Variants in SPTB observed in about 807,000 individuals in gnomAD.
The protein encoded by SPTB is spectrin beta, erythrocytic, also known as spectrin beta chain, erythrocytic.
Under a neutral mutation model 256.2 loss-of-function variants are expected in SPTB, and 45 were observed. The ratio of observed to expected loss-of-function variants is 0.18; its 90% CI spans 0.14 to 0.23. The LOEUF (loss-of-function observed/expected upper bound fraction) is 0.23, where lower values mean the gene tolerates loss of function less well. Ranked by LOEUF, SPTB falls within the 10% of genes least tolerant of loss-of-function variation. SPTB has a pLI of 1.00. For missense variants in SPTB, 2,715 were observed against 3,040.4 expected, an observed-to-expected ratio of 0.89 and a Z score of 2.52; for synonymous variants, 1,231 against 1,243.1, an observed-to-expected ratio of 0.99 and a Z score of 0.21.
chr14:64,829,153 T>C (rs1289289155), intron 1 of SPTB, among the ~76,000 whole-genome samples: 1 of 152,190 alleles, frequency 6.6e-6, no homozygotes, highest in Admixed American at 6.5e-5. Flanking sequence ...CCAAAAAAGT[T>C]GAACCTGAAT....
rs2082291331 is a variant in SPTB, at chr14:64,772,476, C to T, written c.5553+104G>A. The T allele has an allele frequency of 2.0e-6, 3 of 1,503,300 alleles. No homozygotes were observed. Among genetic ancestry groups the T allele is most frequent in the Admixed American group, 2.0e-5 (1 of 50,644 alleles). The allele number at this position is 1,503,300 out of a possible 1,614,324, so 93.1% of individuals were successfully genotyped here. ...CTGGCTGTCTAAGGAGGCAAAACCT[C>T]CTGGCACTTATCCTAGAGGTTTTCC... On this transcript the variant is annotated intron_variant, in intron 26 of 35. Coordinates refer to ENST00000644917, the MANE Select transcript of SPTB (RefSeq NM_001355436.2). The surrounding 1 kb of genome is among the most constrained non-coding windows in gnomAD (Gnocchi z 5.4).
rs1306400678 is a variant in SPTB, at chr14:64,823,036, T to C, written c.59A>G (p.Asn20Ser). ...VGNQPPYSRI[N>S]ARWDAPDDEL... Reference sequence around the variant, plus strand: ...GTCGTCTGGGGCGTCCCAGCGGGCATTGATCCTGCTGTAAGGTGGCTGGTT... The same window carrying C: ...GTCGTCTGGGGCGTCCCAGCGGGCACTGATCCTGCTGTAAGGTGGCTGGTT... The change falls in exon 2 of 36, where the codon AAT (asparagine) becomes AGT (serine). Residue 20 changes from asparagine (N) to serine (S), a missense_variant. Around this residue, in one of 4 missense-constraint regions of SPTB, gnomAD observed 58 missense variants for 67.9 expected, o/e 0.85. Transcript: ENST00000644917. This position sits in a 1 kb window ranked among gnomAD's most constrained non-coding sequence, Gnocchi z 6.5. 8 of 1,614,178 alleles carry C rather than the reference T, an allele frequency of 5.0e-6. No homozygotes were observed. The highest frequency in any genetic ancestry group is 1.7e-5 in the Admixed American group (1 of 60,032).
rs1400391777 is a variant in SPTB at position 64,841,558 on chromosome 14, C to T, written c.-51-18413G>A. Among the ~76,000 whole-genome samples the T allele has an allele frequency of 6.6e-6, 1 of 152,160 alleles. No individual in the cohort carries two copies. The highest frequency in any genetic ancestry group is 1.5e-5 in the Non-Finnish European group (1 of 68,040). On this transcript the variant is annotated intron_variant, in intron 1 of 35. Transcript: ENST00000644917. The surrounding 1 kb of genome is among the most constrained non-coding windows in gnomAD (Gnocchi z 4.6). ...CTGAGATTTCAAAACACAGAATGCA[C>T]TGGGTCTCTAGCCTGCGTCAGATCC...
rs868296336 is a variant in SPTB, at chr14:64,778,318, C to T, written c.4563+839G>A. On this transcript the variant is annotated intron_variant, in intron 22 of 35. Transcript: ENST00000644917. The surrounding 1 kb of genome is among the most constrained non-coding windows in gnomAD (Gnocchi z 5.2). ...GTGCTGTCTGCCATGACCTTCCTTCCTCAAGGAGCTGCAATACTAACCGGG... is the reference window on the plus strand; with the variant it reads ...GTGCTGTCTGCCATGACCTTCCTTCTTCAAGGAGCTGCAATACTAACCGGG... Among the ~76,000 whole-genome samples, 3 of 152,164 alleles carry T rather than the reference C, an allele frequency of 2.0e-5. No individual in the cohort carries two copies. The highest frequency in any genetic ancestry group is 7.2e-5 in the African/African-American group (3 of 41,442).
At chr14:64,830,884 A>T (rs2139725598) in intron 1 of SPTB, among the ~76,000 whole-genome samples, 1 of 152,248 alleles carries the variant, frequency 6.6e-6, no homozygotes, top group East Asian at 1.9e-4. Flanking sequence ...TGCCTTGACA[A>T]CTTTATTTAT....
At chr14:64,859,913 A>C (rs4902324) in intron 1 of SPTB, among the ~76,000 whole-genome samples, 142,724 of 152,160 alleles carry the variant, frequency 0.94, 67,548 homozygotes, top group Non-Finnish European at 0.98. Flanking sequence ...TCAGAAAAAA[A>C]AAAATTAAGT....
At chr14:64,794,364 A>T (rs1272118523) in intron 13 of SPTB, 103 bp downstream of exon 13, 1 of 1,458,286 alleles carries the variant, frequency 6.9e-7, no homozygotes, top group Non-Finnish European at 9.5e-7. Context: ...AAGTAACAGA[A>T]CTTTAAAGTT....
chr14:64,771,443 G>T (rs1673861669), intron 26 of SPTB, among the ~76,000 whole-genome samples: 1 of 152,184 alleles, frequency 6.6e-6, no homozygotes, highest in African/African-American at 2.4e-5. Flanking sequence ...TTCTACTGAT[G>T]AACTCTCTTC....
intron 1 of SPTB, among the ~76,000 whole-genome samples, chr14:64,839,400 C>A (rs1240438693): frequency 6.6e-6 from 1 of 152,100 alleles, no homozygotes; most frequent in African/African-American, 2.4e-5. Context: ...GGAAATAAAT[C>A]AGTGGTTGCC....
chr14:64,840,323 A>G (rs532064133), intron 1 of SPTB, among the ~76,000 whole-genome samples: 1 of 152,360 alleles, frequency 6.6e-6, no homozygotes, highest in South Asian at 2.1e-4. Flanking sequence ...CCACGAGGCT[A>G]ACATCCTTAT....
At chr14:64,776,629 A>T (rs1038788477) in intron 22 of SPTB, among the ~76,000 whole-genome samples, 1 of 152,088 alleles carries the variant, frequency 6.6e-6, no homozygotes, top group Non-Finnish European at 1.5e-5. Context: ...TTTTGTAGAG[A>T]TGGGCTTTTG....
rs147607680 is a variant in SPTB, at chr14:64,777,203, A to C, written c.4564-1800T>G. The stretch of plus-strand genomic sequence containing the variant: ...TGGCAAGAGGACTGAACAAGTGCAA[A>C]GGCTCTGGGGTGGACATGAGCTGGG... On this transcript the variant is annotated intron_variant, in intron 22 of 35. Coordinates refer to ENST00000644917, the MANE Select transcript of SPTB (RefSeq NM_001355436.2). The surrounding 1 kb of genome is among the most constrained non-coding windows in gnomAD (Gnocchi z 4.5). Among the ~76,000 whole-genome samples, 13 of 152,242 alleles carry C rather than the reference A, an allele frequency of 8.5e-5. No individual in the cohort carries two copies. In the East Asian group the frequency reaches 2.5e-3, roughly 29 times the overall value.
At position 64,779,883 on chromosome 14, in the gene SPTB, ACAGCTCCCC is replaced by A. The variant is rs1435267566; in HGVS notation, c.4306_4314del (p.Gly1436_Leu1438del). 1 of 1,613,976 alleles carries A rather than the reference ACAGCTCCCC, an allele frequency of 6.2e-7. No homozygotes were observed. The highest frequency in any genetic ancestry group is 1.1e-5 in the South Asian group (1 of 91,074). On this transcript the variant is annotated inframe_deletion, in exon 21 of 36. Transcript: ENST00000644917. The surrounding 1 kb of genome is among the most constrained non-coding windows in gnomAD (Gnocchi z 4.2). ...TCTCCCATTGAAGGCACCTGGGCAA[ACAGCTCCCC>A]CAGCTCCTCTTTTCGCACATTCACT... is the stretch of plus-strand genomic sequence containing the variant.
intron 1 of SPTB, among the ~76,000 whole-genome samples, chr14:64,840,413 A>C (rs1234441017): frequency 6.6e-6 from 1 of 152,244 alleles, no homozygotes; most frequent in Non-Finnish European, 1.5e-5. Context: ...CACGCTTTAA[A>C]GGTCTCAAAG....
At chr14:64,750,901 A>G (rs2081937008) in intron 33 of SPTB, among the ~76,000 whole-genome samples, 1 of 146,252 alleles carries the variant, frequency 6.8e-6, no homozygotes, top group Non-Finnish European at 1.5e-5. Context: ...TATGAAATAT[A>G]TAAATATATA....
intron 1 of SPTB, among the ~76,000 whole-genome samples, chr14:64,842,389 C>T (rs941639455): frequency 6.6e-6 from 1 of 152,090 alleles, no homozygotes; most frequent in Non-Finnish European, 1.5e-5. Context: ...AACTTTGATC[C>T]GGGGACGTGA....
Position 64,775,323 on chromosome 14 carries a change from C to T in SPTB, c.4644G>A (p.Ala1548=), listed in dbSNP as rs761926283. Residue 1548 remains alanine (A), a synonymous_variant, in exon 23 of 36, where the codon GCG becomes GCA. Transcript: ENST00000644917. The surrounding 1 kb of genome is among the most constrained non-coding windows in gnomAD (Gnocchi z 5.0). ...LQRGQQLVEA[A]EIDCQDLEER... ...CCTCAAGGTCCTGGCAGTCGATCTCCGCCGCCTCCACCAGCTGCTGCCCTC... is the reference window on the plus strand; with the variant it reads ...CCTCAAGGTCCTGGCAGTCGATCTCTGCCGCCTCCACCAGCTGCTGCCCTC... The T allele has an allele frequency of 2.1e-5, 34 of 1,613,028 alleles. No individual in the cohort carries two copies. The highest frequency in any genetic ancestry group is 8.3e-5 in the Admixed American group (5 of 59,966).
At chr14:64,788,913 T>C (rs1185744620) in intron 15 of SPTB, among the ~76,000 whole-genome samples, 4 of 152,262 alleles carry the variant, frequency 2.6e-5, no homozygotes, top group African/African-American at 9.6e-5. Flanking sequence ...TGATCACACA[T>C]TCATCAAGTG....
At chr14:64,803,557 T>A (rs756873315) in intron 4 of SPTB, 50 bp downstream of exon 4, 15 of 1,610,418 alleles carry the variant, frequency 9.3e-6, no homozygotes, top group Non-Finnish European at 1.3e-5. Context: ...TCTAAGGCCC[T>A]GGGCAGCCTT....
Sources: gnomAD v4.1 joint callset for allele counts (sites outside exome capture counted in the v4.1 genomes callset) on GRCh38, gnomAD v4.1.1 for gene constraint, gnomAD v4.1.1 regional missense constraint, Gnocchi (gnomAD v3.1) non-coding constraint, MANE v1.5 for transcripts, NCBI Gene and HGNC (gene_info 2026-07-23, HGNC 2026-07-21) for gene names.